ZNF532: variants seen among roughly 807,000 people sequenced by gnomAD.
ZNF532 encodes zinc finger protein 532.
In ZNF532, 22 loss-of-function variants were observed where a neutral mutation model predicts 89.3. The observed-to-expected ratio is 0.25, with a 90% CI of 0.18 to 0.35. ZNF532 has a LOEUF of 0.35. Ranked by LOEUF, ZNF532 falls within the 10% of genes least tolerant of loss-of-function variation. The pLI is 1.00. For synonymous variants in ZNF532, 606 were observed against 649.6 expected, an observed-to-expected ratio of 0.93 and a Z score of 1.02; for missense variants, 1,132 against 1,643.4, an observed-to-expected ratio of 0.69 and a Z score of 5.38.
intron 2 of ZNF532, among the ~76,000 whole-genome samples, chr18:58,893,985 A>G (rs2059085657): frequency 6.6e-6 from 1 of 152,110 alleles, no homozygotes; most frequent in African/African-American, 2.4e-5. Context: ...AAGAACCACC[A>G]TGTTCTTCTG....
intron 2 of ZNF532, among the ~76,000 whole-genome samples, chr18:58,903,842 A>C (rs2059753615): frequency 6.6e-6 from 1 of 152,238 alleles, no homozygotes; most frequent in Admixed American, 6.5e-5. Flanking sequence ...GGGGGTGTTT[A>C]GTGAATACAG....
At chr18:58,947,527 A>G (rs528885034) in intron 5 of ZNF532, among the ~76,000 whole-genome samples, 1 of 152,334 alleles carries the variant, frequency 6.6e-6, no homozygotes, top group African/African-American at 2.4e-5. Flanking sequence ...TCTTGATTTT[A>G]CTGTATATTT....
At chr18:58,898,941 C>T (rs944514906) in intron 2 of ZNF532, among the ~76,000 whole-genome samples, 1 of 152,256 alleles carries the variant, frequency 6.6e-6, no homozygotes, top group African/African-American at 2.4e-5. Flanking sequence ...ACAAAAGTTT[C>T]CCATGAGACT....
intron 7 of ZNF532, among the ~76,000 whole-genome samples, chr18:58,957,682 G>C (rs75531814): frequency 0.037 from 5,559 of 152,066 alleles, 105 homozygotes; most frequent in East Asian, 0.059. Flanking sequence ...CCCCTTCTCA[G>C]TTCCCATCCA....
intron 2 of ZNF532, among the ~76,000 whole-genome samples, chr18:58,890,706 T>C (rs981004910): frequency 2.0e-5 from 3 of 151,798 alleles, no homozygotes; most frequent in African/African-American, 7.3e-5. Flanking sequence ...GCCCAGTCTG[T>C]TCCCTCTCCC....
At chr18:58,959,701 A>G (rs1215314970) in intron 7 of ZNF532, among the ~76,000 whole-genome samples, 7 of 152,206 alleles carry the variant, frequency 4.6e-5, no homozygotes, top group Non-Finnish European at 8.8e-5. Flanking sequence ...TTCCAGCGTC[A>G]GCTTCAGTTT....
chr18:58,891,623 C>G (rs1428034097), intron 2 of ZNF532, among the ~76,000 whole-genome samples: 1 of 152,176 alleles, frequency 6.6e-6, no homozygotes, highest in Non-Finnish European at 1.5e-5. Flanking sequence ...ATTAAAAAGA[C>G]TTTTTACTGT....
intron 2 of ZNF532, among the ~76,000 whole-genome samples, chr18:58,880,053 T>C (rs1261056269): frequency 2.0e-5 from 3 of 152,022 alleles, no homozygotes; most frequent in Non-Finnish European, 2.9e-5. Context: ...GAAAAAGATG[T>C]TTTGGTGGAA....
At chr18:58,982,001 CAAAAAAAAA>C (rs60019659) in intron 9 of ZNF532, among the ~76,000 whole-genome samples, 3 of 83,312 alleles carry the variant, frequency 3.6e-5, no homozygotes, top group African/African-American at 1.3e-4. Context: ...GAGACTCTCC[CAAAAAAAAA>C]AAAAAAAAAA....
At chr18:58,938,733 C>A (rs2062687390) in intron 4 of ZNF532, among the ~76,000 whole-genome samples, 1 of 152,138 alleles carries the variant, frequency 6.6e-6, no homozygotes, top group African/African-American at 2.4e-5. Context: ...CTGTTCTTGG[C>A]ATGCAGGTTT....
intron 4 of ZNF532, among the ~76,000 whole-genome samples, chr18:58,936,619 C>G (rs1166068384): frequency 1.3e-5 from 2 of 152,200 alleles, no homozygotes; most frequent in Non-Finnish European, 2.9e-5. Context: ...TTGTAGATTT[C>G]AAGTTGTTAA....
At chr18:58,968,506 C>A (rs1175963771) in intron 7 of ZNF532, among the ~76,000 whole-genome samples, 3 of 152,194 alleles carry the variant, frequency 2.0e-5, no homozygotes, top group Admixed American at 6.5e-5. Flanking sequence ...GATGGCAAAG[C>A]CTTGGCTTCT....
chr18:58,871,165 A>G (rs2056948224), intron 2 of ZNF532, among the ~76,000 whole-genome samples: 1 of 152,176 alleles, frequency 6.6e-6, no homozygotes, highest in Admixed American at 6.5e-5. Context: ...AGGAAGGTAG[A>G]AAATGTAGCT....
At chr18:58,975,433 C>CATAA (rs2066935063) in intron 7 of ZNF532, among the ~76,000 whole-genome samples, 1 of 152,132 alleles carries the variant, frequency 6.6e-6, no homozygotes, top group Non-Finnish European at 1.5e-5. Flanking sequence ...AACAGAGACC[C>CATAA]GTAAGCACAG....
At chr18:58,894,006 C>G (rs1026237187) in intron 2 of ZNF532, among the ~76,000 whole-genome samples, 8 of 152,138 alleles carry the variant, frequency 5.3e-5, no homozygotes, top group African/African-American at 1.9e-4. Flanking sequence ...GTTCTAGACT[C>G]AAACTACAGG....
intron 2 of ZNF532, among the ~76,000 whole-genome samples, chr18:58,886,178 A>G (rs2058290535): frequency 1.3e-5 from 2 of 151,880 alleles, no homozygotes; most frequent in African/African-American, 2.4e-5. Context: ...ACAGGGTTTC[A>G]CCACATTGGC....
chr18:58,923,288 C>T (rs1373144280), intron 3 of ZNF532, among the ~76,000 whole-genome samples: 5 of 151,294 alleles, frequency 3.3e-5, no homozygotes, highest in African/African-American at 4.9e-5. Context: ...CCCCATAGCA[C>T]GCTCTCCTCC....
chr18:58,965,644 A>T (rs904913316), intron 7 of ZNF532, among the ~76,000 whole-genome samples: 1 of 152,174 alleles, frequency 6.6e-6, no homozygotes, highest in African/African-American at 2.4e-5. Flanking sequence ...ACGTGTGTGT[A>T]GTTTTGGAAG....
intron 9 of ZNF532, among the ~76,000 whole-genome samples, chr18:58,982,812 G>A (rs2067968220): frequency 6.6e-6 from 1 of 151,894 alleles, no homozygotes; most frequent in African/African-American, 2.4e-5. Flanking sequence ...TCCTGGTGGT[G>A]AGTTAAAGAA....
Sources: gnomAD v4.1 joint callset for allele counts (sites outside exome capture counted in the v4.1 genomes callset) on GRCh38, gnomAD v4.1.1 for gene constraint, MANE v1.5 for transcripts, NCBI Gene and HGNC (gene_info 2026-07-23, HGNC 2026-07-21) for gene names.